SLC37A1: variants seen among roughly 807,000 people sequenced by gnomAD.
The protein encoded by SLC37A1 is glucose-6-phosphate exchanger SLC37A1.
Under a neutral mutation model 75.3 loss-of-function variants are expected in SLC37A1, and 49 were observed. The observed-to-expected ratio is 0.65, with a 90% CI of 0.52 to 0.83. The LOEUF (loss-of-function observed/expected upper bound fraction) is 0.83, where lower values mean the gene tolerates loss of function less well. SLC37A1 is among the 40% of genes least tolerant of loss of function. The pLI is 0.00. For missense variants in SLC37A1, 566 were observed against 695.0 expected, an observed-to-expected ratio of 0.81 and a Z score of 2.09; for synonymous variants, 268 against 292.1, an observed-to-expected ratio of 0.92 and a Z score of 0.84.
At chr21:42,511,080 T>A (rs147470388), upstream of SLC37A1, among the ~76,000 whole-genome samples, 660 of 152,332 alleles carry the variant, frequency 4.3e-3, 5 homozygotes, top group Admixed American at 7.1e-3. Flanking sequence ...GGATAGATCA[T>A]ATGTTAGGCC....
chr21:42,508,255 C>G (rs542852125), intron 2 of SLC37A1, among the ~76,000 whole-genome samples: 3 of 151,600 alleles, frequency 2.0e-5, no homozygotes, highest in Non-Finnish European at 4.4e-5. Flanking sequence ...CAGCCTCCCC[C>G]GTAGCTATGA....
In SLC37A1 at chr21:42,551,493, T is replaced by C. The variant is rs552697648; in HGVS notation, c.769-2569T>C. ...TGCTGACAGGTATGAGGTTTCTTTT[T>C]GGAGGTGATGAAAATGTTCTCAAAT... On this transcript the variant is annotated intron_variant, in intron 9 of 19. Coordinates refer to ENST00000352133, the MANE Select transcript of SLC37A1 (RefSeq NM_001320537.2). Among the ~76,000 whole-genome samples the C allele has an allele frequency of 6.6e-5, 10 of 152,344 alleles. No individual in the cohort carries two copies. In the East Asian group the frequency reaches 1.7e-3, roughly 26 times the overall value.
chr21:42,565,196 C>G (rs1000785532), intron 14 of SLC37A1, among the ~76,000 whole-genome samples: 2 of 152,380 alleles, frequency 1.3e-5, no homozygotes, highest in East Asian at 3.9e-4. Flanking sequence ...GTGACACCCC[C>G]CTCTATGCCC....
At position 42,547,018 on chromosome 21, in the gene SLC37A1, G is replaced by T; in HGVS notation, c.731-85G>T. On this transcript the variant is annotated intron_variant, in intron 8 of 19. Transcript: ENST00000352133. This position sits in a 1 kb window ranked among gnomAD's most constrained non-coding sequence, Gnocchi z 6.1. The stretch of plus-strand genomic sequence containing the variant: ...CCAGTTTCACACCCGGTGCTCCCGT[G>T]TTGCCCTGTCCTCGGGTTACGTAGC... 3.3e-6 allele frequency: 5 copies of T among 1,531,816 alleles called. No homozygotes were observed. Among genetic ancestry groups the T allele is most frequent in the East Asian group, 4.5e-5 (2 of 44,426 alleles). 94.9% of individuals were successfully genotyped at this position (1,531,816 alleles called of 1,614,324 possible). A position where few individuals can be genotyped will look rare whatever the true frequency, so the allele number is the denominator to read the frequency against.
chr21:42,564,773 C>G lies in SLC37A1; in HGVS notation c.1201C>G (p.Leu401Val), dbSNP rs779923540. The change falls in exon 14 of 20, where the codon CTG (leucine) becomes GTG (valine). Residue 401 changes from leucine to valine, a missense_variant. Transcript: ENST00000352133. ...AAGGGCCTCCACCTGCGGCCTGATG[C>G]TGCTGCTCGCGGCCCCCACGGTCAG... is the stretch of plus-strand genomic sequence containing the variant. ...EKRASTCGLM[L>V]LLAAPTLYIF... 1.2e-6 allele frequency: 2 copies of G among 1,607,014 alleles called. No individual in the cohort carries two copies.
intron 3 of SLC37A1, among the ~76,000 whole-genome samples, chr21:42,530,654 A>ACACACACC (rs1161313598): frequency 0.018 from 644 of 35,854 alleles, 27 homozygotes; most frequent in Middle Eastern, 0.038. Flanking sequence ...ACACACACAC[A>ACACACACC]CCCCCTCTGT....
Position 42,578,718 on chromosome 21 carries a change from T to G in SLC37A1, c.1522-1018T>G, listed in dbSNP as rs369241920. On this transcript the variant is annotated intron_variant, in intron 18 of 19. Transcript: ENST00000352133. Reference sequence around the variant, plus strand: ...ACCAAGCAGAGCAGCTGGATGCATCTTATCTGTAGGAGGGGCCCCTGTTCT... The same window carrying G: ...ACCAAGCAGAGCAGCTGGATGCATCGTATCTGTAGGAGGGGCCCCTGTTCT... 5.3e-5 allele frequency among the ~76,000 whole-genome samples: 8 copies of G among 152,312 alleles called. No homozygotes were observed. The East Asian group carries it at 1.5e-3, about 29-fold the overall frequency.
At chr21:42,506,471 A>G (rs2054385108) in intron 2 of SLC37A1, among the ~76,000 whole-genome samples, 1 of 152,226 alleles carries the variant, frequency 6.6e-6, no homozygotes, top group Non-Finnish European at 1.5e-5. Flanking sequence ...AAGCATTTGT[A>G]CACTAATTCA....
intron 10 of SLC37A1, among the ~76,000 whole-genome samples, chr21:42,558,295 T>G (rs2055741445): frequency 6.6e-6 from 1 of 152,208 alleles, no homozygotes; most frequent in Non-Finnish European, 1.5e-5. Context: ...TTTAAAATAA[T>G]GTTGGTGTAT....
chr21:42,525,380 C>T (rs1008057693), intron 2 of SLC37A1, among the ~76,000 whole-genome samples: 3 of 152,222 alleles, frequency 2.0e-5, no homozygotes, highest in African/African-American at 7.2e-5. Flanking sequence ...GCCGGAGCCC[C>T]GCCCTGTGGG....
At chr21:42,555,964 C>T (rs2055680497) in intron 10 of SLC37A1, among the ~76,000 whole-genome samples, 1 of 152,202 alleles carries the variant, frequency 6.6e-6, no homozygotes, top group Non-Finnish European at 1.5e-5. Flanking sequence ...TGGCTGGACA[C>T]CCTGGATGTC....
Position 42,539,548 on chromosome 21 carries a change from C to A in SLC37A1, c.387C>A (p.Tyr129Ter). The A allele has an allele frequency of 6.2e-7, 1 of 1,613,908 alleles. No homozygotes were observed. The stretch of plus-strand genomic sequence containing the variant: ...GGGAGCGCCTGCCGATTAGGTATTA[C>A]CTAACTTTCGGGATGCTCGCCAGCG... ...IIGERLPIRY[Y>*]LTFGMLASGA... The change falls in exon 6 of 20, where the codon TAC becomes TAA. Residue 129 changes from tyrosine (Y) to a stop codon, truncating the protein, a stop_gained. Transcript: ENST00000352133. LOFTEE classifies it high-confidence loss of function.
chr21:42,501,873 T>C (rs2054345097), intron 1 of SLC37A1, among the ~76,000 whole-genome samples: 1 of 152,184 alleles, frequency 6.6e-6, no homozygotes, highest in Non-Finnish European at 1.5e-5. Context: ...GCAGTTGTGG[T>C]GGGAGATCCT....
chr21:42,548,191 C>T lies in SLC37A1; in HGVS notation c.768+1051C>T, dbSNP rs1012880357. Reference sequence around the variant, plus strand: ...TCTGCCCGCTCACTGCAGGAGAGCGCGCTCGGGCCTTTCAGCGGCTCCAGG... The same window carrying T: ...TCTGCCCGCTCACTGCAGGAGAGCGTGCTCGGGCCTTTCAGCGGCTCCAGG... On this transcript the variant is annotated intron_variant, in intron 9 of 19. Coordinates refer to ENST00000352133, the MANE Select transcript of SLC37A1 (RefSeq NM_001320537.2). The surrounding 1 kb of genome is among the most constrained non-coding windows in gnomAD (Gnocchi z 5.6). 2.0e-5 allele frequency among the ~76,000 whole-genome samples: 3 copies of T among 152,150 alleles called. No individual in the cohort carries two copies. Among genetic ancestry groups the T allele is most frequent in the African/African-American group, 7.2e-5 (3 of 41,440 alleles).
intron 2 of SLC37A1, among the ~76,000 whole-genome samples, chr21:42,504,900 T>C (rs753446790): frequency 3.3e-5 from 5 of 152,212 alleles, no homozygotes; most frequent in Non-Finnish European, 5.9e-5. Flanking sequence ...ACATCATCAA[T>C]GTCAGGGACC....
chr21:42,572,695 T>TAAAAAAAAAAAAAAAAAAAAAAAAAA (rs1421400961), intron 17 of SLC37A1, among the ~76,000 whole-genome samples: 1 of 132,270 alleles, frequency 7.6e-6, no homozygotes. Flanking sequence ...AAAAAAAGAG[T>TAAAAAAAAAAAAAAAAAAAAAAAAAA]GTGTCCTGAG....
intron 15 of SLC37A1, 131 bp downstream of exon 15, chr21:42,566,006 G>C: frequency 1.2e-6 from 1 of 817,768 alleles, no homozygotes; most frequent in Non-Finnish European, 1.8e-6. Flanking sequence ...GGCTAAAATT[G>C]TCCGTGTCCT....
Position 42,535,482 on chromosome 21 carries a change from C to T in SLC37A1, c.282C>T (p.Asn94=). ...DCGWAPFDKN[N]YQQLLGALDY... ...TTCAAATTCATATAGATAAGAACAA[C>T]TATCAGCAGCTGCTTGGGGCCCTGG... The change falls in exon 5 of 20, where the codon AAC becomes AAT. Residue 94 remains asparagine (N), a synonymous_variant. Coordinates refer to ENST00000352133, the MANE Select transcript of SLC37A1 (RefSeq NM_001320537.2). 1 of 1,614,060 alleles carries T rather than the reference C, an allele frequency of 6.2e-7. No individual in the cohort carries two copies. The highest frequency in any genetic ancestry group is 8.5e-7 in the Non-Finnish European group (1 of 1,179,898).
rs568541598 is a variant in SLC37A1, at chr21:42,531,888, G to A, written c.139-2810G>A. ...GGCAGCAGCCTTCCAACAGGTCTGC[G>A]GGGTGCGGGTGAAGGTGACCTTTCC... On this transcript the variant is annotated intron_variant, in intron 3 of 19. Coordinates refer to ENST00000352133, the MANE Select transcript of SLC37A1 (RefSeq NM_001320537.2). Among the ~76,000 whole-genome samples, 605 of 152,308 alleles carry A rather than the reference G, an allele frequency of 4.0e-3. 2 individuals are homozygous for A. Among genetic ancestry groups the A allele is most frequent in the Non-Finnish European group, 6.7e-3 (456 of 68,026 alleles).
Sources: gnomAD v4.1 joint callset for allele counts (sites outside exome capture counted in the v4.1 genomes callset) on GRCh38, gnomAD v4.1.1 for gene constraint, Gnocchi (gnomAD v3.1) non-coding constraint, MANE v1.5 for transcripts, NCBI Gene and HGNC (gene_info 2026-07-23, HGNC 2026-07-21) for gene names.